Variants in P2RY14 observed in about 807,000 individuals in gnomAD.
P2RY14 encodes purinergic receptor P2Y14.
Under a neutral mutation model 0.9 loss-of-function variants are expected in P2RY14, and 2 were observed. The observed-to-expected ratio is 2.16, with a 90% CI of 0.88 to 6.79. The LOEUF is 6.79. Ranked by LOEUF, P2RY14 falls within the 30% of genes most tolerant of loss-of-function variation. The probability of loss-of-function intolerance (pLI) is 0.05; values close to 1 mark genes in which losing one functional copy is unlikely to be tolerated. For synonymous variants in P2RY14, 158 were observed against 147.2 expected, an observed-to-expected ratio of 1.07 and a Z score of -0.53; for missense variants, 378 against 400.1, an observed-to-expected ratio of 0.94 and a Z score of 0.47.
chr3:151,239,599 A>G (rs1733661706), intron 1 of P2RY14, among the ~76,000 whole-genome samples: 1 of 152,234 alleles, frequency 6.6e-6, no homozygotes, highest in African/African-American at 2.4e-5. Context: ...TAAAAGTTTT[A>G]TAACTGTCAC....
intron 1 of P2RY14, among the ~76,000 whole-genome samples, chr3:151,233,504 C>T (rs1732116783): frequency 6.6e-6 from 1 of 152,230 alleles, no homozygotes; most frequent in African/African-American, 2.4e-5. Flanking sequence ...GAGGCCGAGG[C>T]TGGCGGGTCA....
At chr3:151,259,838 A>T (rs1738524011) in intron 1 of P2RY14, among the ~76,000 whole-genome samples, 1 of 152,098 alleles carries the variant, frequency 6.6e-6, no homozygotes. Context: ...CACTCTGTTT[A>T]TTCTATTTTA....
intron 1 of P2RY14, among the ~76,000 whole-genome samples, chr3:151,235,379 A>G (rs1732524809): frequency 6.6e-6 from 1 of 152,146 alleles, no homozygotes; most frequent in African/African-American, 2.4e-5. Context: ...TATTCCCTAT[A>G]GTGGGGTTGA....
chr3:151,255,503 T>C (rs1737654248), intron 1 of P2RY14, among the ~76,000 whole-genome samples: 1 of 152,116 alleles, frequency 6.6e-6, no homozygotes, highest in South Asian at 2.1e-4. Context: ...CCACCAACTT[T>C]GGTTCTGCCA....
At chr3:151,254,017 T>TG (rs1737338498) in intron 1 of P2RY14, among the ~76,000 whole-genome samples, 1 of 145,732 alleles carries the variant, frequency 6.9e-6, no homozygotes, top group Admixed American at 6.8e-5. Context: ...TTTTTGTTAA[T>TG]TTAAACTTTT....
intron 1 of P2RY14, among the ~76,000 whole-genome samples, chr3:151,277,105 G>A (rs1054116399): frequency 2.6e-5 from 4 of 151,856 alleles, no homozygotes; most frequent in African/African-American, 4.8e-5. Context: ...TACCACGTTG[G>A]CCAGGCTGGT....
intron 1 of P2RY14, among the ~76,000 whole-genome samples, chr3:151,274,028 A>G (rs767181532): frequency 1.3e-4 from 20 of 152,152 alleles, no homozygotes; most frequent in Non-Finnish European, 2.5e-4. Flanking sequence ...TTCTCACACT[A>G]CTTGAACTAA....
intron 1 of P2RY14, among the ~76,000 whole-genome samples, chr3:151,233,220 C>T (rs1267943434): frequency 6.6e-6 from 1 of 152,190 alleles, no homozygotes; most frequent in African/African-American, 2.4e-5. Flanking sequence ...GTAGCACTCT[C>T]GTGCCCTCTG....
Position 151,214,486 on chromosome 3 carries a change from T to C in P2RY14, c.-24-146A>G. 5.5e-6 allele frequency: 3 copies of C among 546,272 alleles called. 1 individual carries two copies. 33.8% of individuals were successfully genotyped at this position (546,272 alleles called of 1,614,324 possible). The stretch of plus-strand genomic sequence containing the variant: ...TTACTCTGTGTAAGTTAGACACTCA[T>C]CCCTCCCTCCCTCTGTTCTTCCTTT... On this transcript the variant is annotated intron_variant, in intron 2 of 2. Transcript: ENST00000309170.
chr3:151,242,521 C>G (rs796897471), intron 1 of P2RY14, among the ~76,000 whole-genome samples: 1 of 150,090 alleles, frequency 6.7e-6, no homozygotes, highest in Admixed American at 6.6e-5. Flanking sequence ...ACACCTCACA[C>G]AGCAGGGTAT....
intron 2 of P2RY14, among the ~76,000 whole-genome samples, chr3:151,215,850 C>A (rs981558359): frequency 1.3e-5 from 2 of 152,188 alleles, no homozygotes; most frequent in Admixed American, 1.3e-4. Flanking sequence ...TGTCCTGGGC[C>A]CATCTGCCTC....
intron 1 of P2RY14, among the ~76,000 whole-genome samples, chr3:151,227,554 A>G (rs915087885): frequency 3.3e-5 from 5 of 152,232 alleles, no homozygotes; most frequent in African/African-American, 4.8e-5. Context: ...TGGCATGTCT[A>G]AGAACTCCAG....
At chr3:151,231,525 A>G (rs761983989) in intron 1 of P2RY14, among the ~76,000 whole-genome samples, 3 of 152,248 alleles carry the variant, frequency 2.0e-5, no homozygotes, top group South Asian at 2.1e-4. Flanking sequence ...AAAATCTTCA[A>G]TGAGCAATCA....
In P2RY14 at chr3:151,213,748, A is replaced by G; in HGVS notation, c.569T>C (p.Ile190Thr). ...GRKWHKASNY[I>T]FVAIFWIVFL... ...CACAATCCAGAAGATGGCCACGAAGATGTAGTTTGATGCTTTGTGCCACTT... is the reference window on the plus strand; with the variant it reads ...CACAATCCAGAAGATGGCCACGAAGGTGTAGTTTGATGCTTTGTGCCACTT... The change falls in exon 3 of 3, where the codon ATC becomes ACC. Residue 190 changes from isoleucine (I) to threonine (T), a missense_variant. Coordinates refer to ENST00000309170, the MANE Select transcript of P2RY14 (RefSeq NM_014879.4). 2 of 1,614,180 alleles carry G rather than the reference A, an allele frequency of 1.2e-6. No homozygotes were observed. The highest frequency in any genetic ancestry group is 1.7e-6 in the Non-Finnish European group (2 of 1,180,008).
intron 1 of P2RY14, among the ~76,000 whole-genome samples, chr3:151,241,614 A>ATG (rs566577750): frequency 1.3e-5 from 2 of 152,258 alleles, no homozygotes; most frequent in Non-Finnish European, 2.9e-5. Flanking sequence ...GGTTATATAT[A>ATG]TGTGTGTGTG....
At chr3:151,224,991 A>C (rs1730204461) in intron 1 of P2RY14, among the ~76,000 whole-genome samples, 1 of 152,144 alleles carries the variant, frequency 6.6e-6, no homozygotes, top group African/African-American at 2.4e-5. Flanking sequence ...TACATCTTTA[A>C]AATATTTTAT....
chr3:151,249,247 A>T (rs1374111666), intron 1 of P2RY14: 2 of 152,176 alleles, frequency 1.3e-5, no homozygotes, highest in African/African-American at 4.8e-5. Flanking sequence ...AGGAAGATAG[A>T]TCTTTCCCAT....
intron 1 of P2RY14, among the ~76,000 whole-genome samples, chr3:151,236,497 C>A (rs1732835926): frequency 6.6e-6 from 1 of 152,114 alleles, no homozygotes; most frequent in African/African-American, 2.4e-5. Flanking sequence ...GACTCAGTAA[C>A]CAAAACGAAA....
At chr3:151,249,225 G>A (rs1456589898) in intron 1 of P2RY14, 2 of 152,172 alleles carry the variant, frequency 1.3e-5, no homozygotes, top group African/African-American at 4.8e-5. Context: ...GCAAGTGAGA[G>A]CTCCAGCCAG....
Sources: gnomAD v4.1 joint callset for allele counts (sites outside exome capture counted in the v4.1 genomes callset) on GRCh38, gnomAD v4.1.1 for gene constraint, MANE v1.5 for transcripts, NCBI Gene and HGNC (gene_info 2026-07-23, HGNC 2026-07-21) for gene names.